Variants in NLGN1 observed in about 807,000 individuals in gnomAD.
The protein encoded by NLGN1 is neuroligin 1, also known as neuroligin-1.
NLGN1 carries 12 observed loss-of-function variants against 65.5 expected under a neutral mutation model. That is an observed-to-expected ratio of 0.18 (90% CI 0.12 to 0.30). The LOEUF is 0.30. NLGN1 is among the 10% of genes least tolerant of loss of function. NLGN1 has a pLI of 1.00. For missense variants in NLGN1, 750 were observed against 1,007.1 expected (o/e 0.74, Z 3.46); for synonymous variants, 350 against 359.5 (o/e 0.97, Z 0.30).
intron 4 of NLGN1, among the ~76,000 whole-genome samples, chr3:173,927,560 G>T (rs565374367): frequency 2.2e-4 from 33 of 152,166 alleles, no homozygotes; most frequent in Non-Finnish European, 4.3e-4. Flanking sequence ...CACTGCTCAG[G>T]CTACTTCTGG....
chr3:173,707,872 A>G (rs1768294672), intron 3 of NLGN1, among the ~76,000 whole-genome samples: 2 of 152,314 alleles, frequency 1.3e-5, no homozygotes, highest in Non-Finnish European at 2.9e-5. Context: ...ACCATTGTTG[A>G]ATATTAAGGC....
chr3:173,604,900 C>T (rs1477032977), exon 3 of NLGN1: 5 of 1,613,574 alleles, frequency 3.1e-6, no homozygotes, highest in African/African-American at 1.3e-5. Context: ...CCAGAACCAC[C>T]ATCTCCCTGG....
chr3:173,409,457 A>G (rs1712044715), intron 1 of NLGN1, among the ~76,000 whole-genome samples: 1 of 152,166 alleles, frequency 6.6e-6, no homozygotes, highest in African/African-American at 2.4e-5. Flanking sequence ...TGGCCCCTAG[A>G]AAACGTGTCA....
intron 3 of NLGN1, among the ~76,000 whole-genome samples, chr3:173,667,255 A>C (rs1022981186): frequency 1.3e-5 from 2 of 151,982 alleles, no homozygotes; most frequent in Non-Finnish European, 2.9e-5. Flanking sequence ...ACACACACAC[A>C]CACACACACA....
rs190512679 is a variant in NLGN1, at chr3:174,203,141, G to A, written c.647-72174G>A. Among the ~76,000 whole-genome samples the A allele has an allele frequency of 7.8e-4, 118 of 152,112 alleles. No individual in the cohort carries two copies. In the Middle Eastern group the frequency reaches 0.027, roughly 35 times the overall value. On this transcript the variant is annotated intron_variant, in intron 4 of 6. Transcript: ENST00000457714. The stretch of plus-strand genomic sequence containing the variant: ...CCTCCTATGATTATGAGAGTTCTTC[G>A]CCATTTCTACCCATCAGCTCACATT...
intron 2 of NLGN1, among the ~76,000 whole-genome samples, chr3:173,547,282 A>C (rs568012852): frequency 4.0e-4 from 61 of 152,280 alleles, no homozygotes; most frequent in African/African-American, 1.4e-3. Flanking sequence ...TAAATCTTTC[A>C]TTCACTCAAC....
chr3:174,009,918 A>G (rs959929280), intron 4 of NLGN1, among the ~76,000 whole-genome samples: 6 of 152,134 alleles, frequency 3.9e-5, no homozygotes, highest in Non-Finnish European at 7.4e-5. Flanking sequence ...TGCCATGCAT[A>G]GGGGACAGGG....
intron 3 of NLGN1, among the ~76,000 whole-genome samples, chr3:173,628,152 T>C (rs1577617506): frequency 6.6e-6 from 1 of 152,138 alleles, no homozygotes. Context: ...TGGTTACCCT[T>C]AAGGGCTTGG....
intron 3 of NLGN1, among the ~76,000 whole-genome samples, chr3:173,685,012 A>AT (rs1458449329): frequency 2.1e-5 from 3 of 145,732 alleles, no homozygotes; most frequent in Admixed American, 2.0e-4. Flanking sequence ...GTGTGCCACC[A>AT]GTTGAATCCT....
intron 5 of NLGN1, among the ~76,000 whole-genome samples, chr3:174,276,661 A>G (rs1274847617): frequency 2.6e-5 from 4 of 151,848 alleles, no homozygotes; most frequent in South Asian, 2.1e-4. Flanking sequence ...AAATGAATCC[A>G]TGTATTTGGA....
At chr3:173,878,289 T>G (rs1283956143) in intron 4 of NLGN1, among the ~76,000 whole-genome samples, 1 of 152,116 alleles carries the variant, frequency 6.6e-6, no homozygotes. Flanking sequence ...ATCCCCCTGC[T>G]TGGGCCTCTC....
Position 173,861,556 on chromosome 3 carries a change from GTA to G in NLGN1, c.646+53729_646+53730del, listed in dbSNP as rs1314373174. ...TGTGTGTGTGTGTGTGTGTGTGTGT[GTA>G]TATACACACACACATATATATACAC... On this transcript the variant is annotated intron_variant, in intron 4 of 6. Coordinates refer to ENST00000457714, the Ensembl canonical transcript of NLGN1. 3.2e-3 allele frequency among the ~76,000 whole-genome samples: 356 copies of G among 112,898 alleles called. 1 individual carries two copies. Among genetic ancestry groups the G allele is most frequent in the Middle Eastern group, 0.03 (5 of 166 alleles). The allele number at this position is 112,898 out of a possible 152,430, so 74.1% of individuals were successfully genotyped here. A position where few individuals can be genotyped will look rare whatever the true frequency, so the allele number is the denominator to read the frequency against.
At chr3:174,060,625 C>A (rs1318140664) in intron 4 of NLGN1, among the ~76,000 whole-genome samples, 1 of 152,096 alleles carries the variant, frequency 6.6e-6, no homozygotes, top group African/African-American at 2.4e-5. Flanking sequence ...ACTCCTACAC[C>A]TTCAAGATTC....
intron 2 of NLGN1, among the ~76,000 whole-genome samples, chr3:173,587,100 T>G (rs1451483328): frequency 6.6e-6 from 1 of 152,194 alleles, no homozygotes; most frequent in Non-Finnish European, 1.5e-5. Context: ...AAAATTGATT[T>G]GCATATTCCA....
intron 3 of NLGN1, among the ~76,000 whole-genome samples, chr3:173,782,984 G>C (rs1032716556): frequency 3.6e-5 from 5 of 140,442 alleles, no homozygotes; most frequent in Non-Finnish European, 7.7e-5. Context: ...AATATAGAAA[G>C]CTGTCTTTTA....
chr3:173,526,019 AAT>A (rs2149160221), intron 2 of NLGN1, among the ~76,000 whole-genome samples: 1 of 152,242 alleles, frequency 6.6e-6, no homozygotes, highest in South Asian at 2.1e-4. Context: ...TATGGCCAAA[AAT>A]ATGCTCAATT....
At chr3:174,268,793 C>T (rs960952664) in intron 4 of NLGN1, among the ~76,000 whole-genome samples, 1 of 151,932 alleles carries the variant, frequency 6.6e-6, no homozygotes, top group Non-Finnish European at 1.5e-5. Context: ...GTCCAGCTGT[C>T]GGTAATCAGA....
chr3:173,789,054 C>G (rs923563283), intron 3 of NLGN1, among the ~76,000 whole-genome samples: 12 of 151,560 alleles, frequency 7.9e-5, no homozygotes, highest in Non-Finnish European at 1.3e-4. Flanking sequence ...AGAAAATTAG[C>G]CAGGAATGGT....
intron 3 of NLGN1, among the ~76,000 whole-genome samples, chr3:173,717,514 A>G (rs57404412): frequency 0.025 from 3,789 of 152,254 alleles, 161 homozygotes; most frequent in African/African-American, 0.085. Context: ...CTAATAACCT[A>G]TGTTACCTGT....
Sources: allele counts gnomAD v4.1 joint callset (sites outside exome capture counted in the v4.1 genomes callset), GRCh38; gene constraint gnomAD v4.1.1; transcripts MANE v1.5; gene names NCBI Gene and HGNC (gene_info 2026-07-23, HGNC 2026-07-21).